Variants in KCNIP4 observed in about 807,000 individuals in gnomAD.
The protein encoded by KCNIP4 is potassium voltage-gated channel interacting protein 4, also known as Kv channel-interacting protein 4.
In KCNIP4, 12 loss-of-function variants were observed where a neutral mutation model predicts 34.0. The observed-to-expected ratio is 0.35, with a 90% confidence interval of 0.23 to 0.57. The LOEUF (loss-of-function observed/expected upper bound fraction) is 0.57. Ranked by LOEUF, KCNIP4 falls within the 20% of genes least tolerant of loss-of-function variation. KCNIP4 has a pLI of 0.83. For synonymous variants in KCNIP4, 124 were observed against 102.2 expected (o/e 1.21, Z -1.29); for missense variants, 238 against 311.7 (o/e 0.76, Z 1.78).
At chr4:21,456,618 C>T (rs1290790886) in intron 1 of KCNIP4, among the ~76,000 whole-genome samples, 2 of 147,576 alleles carry the variant, frequency 1.4e-5, no homozygotes, top group Admixed American at 6.7e-5. Context: ...TTTTAAAATG[C>T]ATGTCTTAAG....
At chr4:21,384,838 G>A (rs1015868806) in intron 1 of KCNIP4, among the ~76,000 whole-genome samples, 39 of 152,192 alleles carry the variant, frequency 2.6e-4, no homozygotes, top group Non-Finnish European at 5.0e-4. Flanking sequence ...AAATAGCTGA[G>A]CTCCCTGGGG....
rs145509516 is a variant in KCNIP4 at position 21,304,087 on chromosome 4, C to CAGAGAG, written c.62-421384_62-421379dup. On this transcript the variant is annotated intron_variant, in intron 1 of 8. Transcript: ENST00000382152. Reference sequence around the variant, plus strand: ...AGAGAGACAGAGAGAGAGAGAGAGACAGAGAGAGAGAGAGAGAGAGACAGA... The same window carrying CAGAGAG: ...AGAGAGACAGAGAGAGAGAGAGAGACAGAGAGAGAGAGAGAGAGAGAGAGAGACAGA... 2.0e-3 allele frequency: 261 copies of CAGAGAG among 127,876 alleles called. 2 individuals carry two copies. The highest frequency in any genetic ancestry group is 0.011 in the African/African-American group (237 of 21,198). The allele number at this position is 127,876 out of a possible 1,614,324, so 7.9% of individuals were successfully genotyped here.
chr4:21,256,627 A>G (rs1761082204), intron 1 of KCNIP4, among the ~76,000 whole-genome samples: 1 of 152,008 alleles, frequency 6.6e-6, no homozygotes, highest in South Asian at 2.1e-4. Flanking sequence ...GATAAGTAAG[A>G]GAATTTGGAG....
intron 1 of KCNIP4, among the ~76,000 whole-genome samples, chr4:21,431,663 G>T (rs1480543180): frequency 6.6e-6 from 1 of 151,970 alleles, no homozygotes; most frequent in Non-Finnish European, 1.5e-5. Flanking sequence ...CTAAAATGAT[G>T]CAGAATGGGG....
chr4:21,946,137 A>G (rs1365618419), intron 1 of KCNIP4, among the ~76,000 whole-genome samples: 2 of 151,680 alleles, frequency 1.3e-5, no homozygotes, highest in Admixed American at 1.3e-4. Flanking sequence ...TCTACTTTCC[A>G]TTCATGTAGT....
At chr4:21,453,838 G>T (rs776466336) in intron 1 of KCNIP4, among the ~76,000 whole-genome samples, 1 of 152,062 alleles carries the variant, frequency 6.6e-6, no homozygotes, top group African/African-American at 2.4e-5. Context: ...GCAGTGCTGC[G>T]TGATGGCTGA....
intron 1 of KCNIP4, among the ~76,000 whole-genome samples, chr4:20,935,971 T>G (rs1355003072): frequency 6.6e-6 from 1 of 152,230 alleles, no homozygotes. Flanking sequence ...TTTAATTCAC[T>G]TAACAATCCT....
At chr4:21,040,175 G>A (rs1489026783) in intron 1 of KCNIP4, among the ~76,000 whole-genome samples, 11 of 152,150 alleles carry the variant, frequency 7.2e-5, no homozygotes, top group Non-Finnish European at 7.4e-5. Flanking sequence ...AATTCAAGAT[G>A]AGATTCGGGT....
chr4:21,095,108 AAGG>A (rs1747348576), intron 1 of KCNIP4, among the ~76,000 whole-genome samples: 1 of 152,232 alleles, frequency 6.6e-6, no homozygotes, highest in African/African-American at 2.4e-5. Context: ...TATGGATAAC[AAGG>A]AGAACAGTAG....
intron 1 of KCNIP4, among the ~76,000 whole-genome samples, chr4:21,810,892 C>G (rs905494661): frequency 2.0e-5 from 3 of 152,060 alleles, no homozygotes; most frequent in Admixed American, 6.6e-5. Context: ...ATGAGGTAAA[C>G]AAATTCAGAA....
intron 1 of KCNIP4, among the ~76,000 whole-genome samples, chr4:21,694,506 A>T (rs2109050340): frequency 6.6e-6 from 1 of 152,270 alleles, no homozygotes; most frequent in Middle Eastern, 3.4e-3. Context: ...TTGAGAAGTG[A>T]TCTGCCATGA....
chr4:21,043,509 T>A (rs890764341), intron 1 of KCNIP4, among the ~76,000 whole-genome samples: 1 of 151,756 alleles, frequency 6.6e-6, no homozygotes, highest in Non-Finnish European at 1.5e-5. Flanking sequence ...TTTTTTTTTT[T>A]TGTATTTTTA....
intron 1 of KCNIP4, among the ~76,000 whole-genome samples, chr4:21,636,209 C>A (rs1164485504): frequency 1.3e-5 from 2 of 150,152 alleles, no homozygotes; most frequent in African/African-American, 4.9e-5. Context: ...TTAGTGGGTG[C>A]AGCGCACCAG....
chr4:21,770,986 C>T (rs1036581985), intron 1 of KCNIP4, among the ~76,000 whole-genome samples: 16 of 152,210 alleles, frequency 1.1e-4, no homozygotes, highest in African/African-American at 3.9e-4. Flanking sequence ...GTTGCAATTG[C>T]TTTTGGCATT....
intron 1 of KCNIP4, among the ~76,000 whole-genome samples, chr4:21,435,063 C>T (rs1429819390): frequency 6.6e-6 from 1 of 152,162 alleles, no homozygotes; most frequent in Non-Finnish European, 1.5e-5. Context: ...TGAAATTCTA[C>T]AGCATCATTG....
At chr4:21,380,468 A>AGGGG (rs1560348007) in intron 1 of KCNIP4, among the ~76,000 whole-genome samples, 6 of 144,378 alleles carry the variant, frequency 4.2e-5, no homozygotes, top group East Asian at 4.1e-4. Flanking sequence ...GGAGAGAGAG[A>AGGGG]GAGAGAGGGA....
chr4:20,846,748 G>T (rs1348569764), intron 3 of KCNIP4, among the ~76,000 whole-genome samples: 1 of 152,124 alleles, frequency 6.6e-6, no homozygotes, highest in African/African-American at 2.4e-5. Context: ...TCATGATAGA[G>T]CTCATCACTA....
At chr4:21,449,348 G>T (rs1260475648) in intron 1 of KCNIP4, among the ~76,000 whole-genome samples, 2 of 152,006 alleles carry the variant, frequency 1.3e-5, no homozygotes, top group Non-Finnish European at 2.9e-5. Flanking sequence ...ATGTTTTCTA[G>T]TTTCACAGTT....
At chr4:20,955,746 A>C (rs1733232686) in intron 1 of KCNIP4, among the ~76,000 whole-genome samples, 2 of 152,228 alleles carry the variant, frequency 1.3e-5, no homozygotes, top group Non-Finnish European at 2.9e-5. Context: ...AAAAAACTTT[A>C]GGTATTCCAA....
Sources: allele counts gnomAD v4.1 joint callset (sites outside exome capture counted in the v4.1 genomes callset), GRCh38; gene constraint gnomAD v4.1.1; transcripts MANE v1.5; gene names NCBI Gene and HGNC (gene_info 2026-07-23, HGNC 2026-07-21).